The following SPATA6 variants were observed in gnomAD, a reference collection of about 807,000 sequenced individuals.
The protein encoded by SPATA6 is spermatogenesis-associated protein 6.
A neutral mutation model predicts 65.3 loss-of-function variants in SPATA6; 56 were observed. That is an observed-to-expected ratio of 0.86 (90% confidence interval 0.69 to 1.07). The LOEUF is 1.07. Among genes scored for constraint, SPATA6 ranks in the 50% least tolerant of loss-of-function variants. The pLI, the probability that SPATA6 is intolerant of heterozygous loss-of-function variation, is 0.00. For synonymous variants in SPATA6, 199 were observed against 213.2 expected, an observed-to-expected ratio of 0.93 and a Z score of 0.58; for missense variants, 590 against 594.8, an observed-to-expected ratio of 0.99 and a Z score of 0.08.
chr1:48,431,293 GAGA>G (rs1193288725), intron 3 of SPATA6, among the ~76,000 whole-genome samples: 1 of 152,070 alleles, frequency 6.6e-6, no homozygotes, highest in African/African-American at 2.4e-5. Context: ...GAATTGAAGA[GAGA>G]AACAAATGGT....
chr1:48,403,600 A>C (rs985284091), intron 6 of SPATA6, among the ~76,000 whole-genome samples: 5 of 152,162 alleles, frequency 3.3e-5, no homozygotes, highest in Non-Finnish European at 7.4e-5. Flanking sequence ...GACATCCTCT[A>C]TCATACACAC....
chr1:48,282,101 T>A, the SPATA6 span, among the ~76,000 whole-genome samples: 2 of 152,220 alleles, frequency 1.3e-5, no homozygotes, highest in Non-Finnish European at 2.9e-5. Flanking sequence ...CCCTATTTAA[T>A]AGATGGTGCT....
the SPATA6 span, chr1:48,262,084 T>G: frequency 1.3e-5 from 2 of 152,114 alleles, no homozygotes; most frequent in African/African-American, 4.8e-5. Context: ...CATATGGCAG[T>G]GAGCTGAGAG....
intron 3 of SPATA6, among the ~76,000 whole-genome samples, chr1:48,423,468 A>C (rs945261360): frequency 3.3e-5 from 5 of 151,442 alleles, no homozygotes; most frequent in South Asian, 2.1e-4. Flanking sequence ...AAAAGAAAAA[A>C]AAAAAAAACA....
At chr1:48,388,830 T>G (rs942093958) in intron 8 of SPATA6, among the ~76,000 whole-genome samples, 1 of 152,018 alleles carries the variant, frequency 6.6e-6, no homozygotes, top group Admixed American at 6.6e-5. Flanking sequence ...TGCCTCAGTC[T>G]CCAGAGTAGC....
intron 6 of SPATA6, among the ~76,000 whole-genome samples, chr1:48,400,252 A>G (rs989161790): frequency 1.3e-5 from 2 of 151,942 alleles, no homozygotes; most frequent in African/African-American, 4.8e-5. Context: ...ACAGATAAAC[A>G]TACCATCTTA....
chr1:48,407,474 C>T (rs1285673269), intron 5 of SPATA6, among the ~76,000 whole-genome samples: 17 of 152,174 alleles, frequency 1.1e-4, no homozygotes, highest in Admixed American at 1.1e-3. Flanking sequence ...AGTTAGCTGG[C>T]AAAGCTGTGC....
chr1:48,271,561 GC>G, the SPATA6 span, among the ~76,000 whole-genome samples: 3 of 151,902 alleles, frequency 2.0e-5, no homozygotes, highest in Non-Finnish European at 4.4e-5. Flanking sequence ...GCTTTTGCTG[GC>G]CCTTCGATGT....
rs75913861 is a variant in SPATA6 at position 48,413,046 on chromosome 1, T to C, written c.280+64A>G. ...ATAATATAGTATAATCAATATATAATATATTATATATTACATCAATTTATG... is the reference window on the plus strand; with the variant it reads ...ATAATATAGTATAATCAATATATAACATATTATATATTACATCAATTTATG... On this transcript the variant is annotated intron_variant, in intron 4 of 12. Coordinates refer to ENST00000371847, the MANE Select transcript of SPATA6 (RefSeq NM_019073.4). 2.1e-3 allele frequency: 961 copies of C among 451,880 alleles called. 34 individuals carry two copies. The East Asian group carries it at 0.05, about 23-fold the overall frequency. The allele number at this position is 451,880 out of a possible 1,614,324, so 28.0% of individuals were successfully genotyped here.
At chr1:48,338,633 G>C (rs576493367) in intron 11 of SPATA6, among the ~76,000 whole-genome samples, 21 of 151,992 alleles carry the variant, frequency 1.4e-4, no homozygotes, top group Non-Finnish European at 2.6e-4. Flanking sequence ...TCGAGAAACA[G>C]GCAAGACTTT....
intron 3 of SPATA6, among the ~76,000 whole-genome samples, chr1:48,423,867 T>A (rs990221275): frequency 1.4e-4 from 22 of 152,120 alleles, no homozygotes; most frequent in African/African-American, 5.1e-4. Context: ...TTTAAAATTG[T>A]GTAGGTACAT....
At chr1:48,449,411 G>A (rs768812826) in intron 3 of SPATA6, among the ~76,000 whole-genome samples, 3 of 152,158 alleles carry the variant, frequency 2.0e-5, no homozygotes, top group Non-Finnish European at 4.4e-5. Flanking sequence ...CACCAACTAT[G>A]AAGATTTCTT....
intron 8 of SPATA6, among the ~76,000 whole-genome samples, chr1:48,386,599 G>T (rs542256564): frequency 3.9e-5 from 6 of 152,316 alleles, no homozygotes; most frequent in African/African-American, 1.4e-4. Flanking sequence ...GTACAGTGAG[G>T]ACTGGCACCC....
intron 8 of SPATA6, among the ~76,000 whole-genome samples, chr1:48,394,798 A>G (rs1010272875): frequency 6.6e-6 from 1 of 152,026 alleles, no homozygotes; most frequent in Non-Finnish European, 1.5e-5. Context: ...AATACCCTTA[A>G]TTATACAATA....
chr1:48,402,606 C>T (rs1292348685), intron 6 of SPATA6: 1 of 152,096 alleles, frequency 6.6e-6, no homozygotes, highest in African/African-American at 2.4e-5. Context: ...TAAGAATGTT[C>T]CCCTCAATAA....
At chr1:48,322,564 CA>C (rs1645629274) in intron 11 of SPATA6, among the ~76,000 whole-genome samples, 1 of 152,174 alleles carries the variant, frequency 6.6e-6, no homozygotes, top group South Asian at 2.1e-4. Flanking sequence ...CCAAAATAGA[CA>C]AATCGCATCT....
intron 3 of SPATA6, chr1:48,436,374 T>C: frequency 6.2e-7 from 1 of 1,612,048 alleles, no homozygotes. Context: ...GGGTTATTTC[T>C]CCATTTATGG....
At chr1:48,455,283 A>G (rs1034448264) in intron 1 of SPATA6, among the ~76,000 whole-genome samples, 1 of 152,200 alleles carries the variant, frequency 6.6e-6, no homozygotes, top group Non-Finnish European at 1.5e-5. Context: ...TCTGTAAAAC[A>G]TTTCATTAAT....
intron 9 of SPATA6, among the ~76,000 whole-genome samples, chr1:48,365,820 C>T (rs867571049): frequency 5.3e-5 from 8 of 152,168 alleles, no homozygotes; most frequent in South Asian, 4.1e-4. Context: ...GCCAGAACTT[C>T]CAACACTATG....
Sources: gnomAD v4.1 joint callset for allele counts (sites outside exome capture counted in the v4.1 genomes callset) on GRCh38, gnomAD v4.1.1 for gene constraint, MANE v1.5 for transcripts, NCBI Gene and HGNC (gene_info 2026-07-23, HGNC 2026-07-21) for gene names.